INTS13: variants seen among roughly 807,000 people sequenced by gnomAD.
INTS13 encodes integrator complex subunit 13, also known as asunder, spermatogenesis regulator homolog (Drosphila).
In INTS13, 35 loss-of-function variants were observed where a neutral mutation model predicts 90.2. The ratio of observed to expected loss-of-function variants is 0.39; its 90% CI spans 0.30 to 0.51. The LOEUF (loss-of-function observed/expected upper bound fraction) is 0.51. INTS13 is among the 20% of genes least tolerant of loss of function. INTS13 has a pLI of 0.80. For synonymous variants in INTS13, 309 were observed against 277.1 expected, an observed-to-expected ratio of 1.11 and a Z score of -1.14; for missense variants, 601 against 851.2, an observed-to-expected ratio of 0.71 and a Z score of 3.66.
chr12:26,936,472 T>A (rs1289211063), intron 2 of INTS13, 107 bp downstream of exon 2: 50 of 800,044 alleles, frequency 6.2e-5, no homozygotes, highest in Non-Finnish European at 8.7e-5. Context: ...ACCACATTTT[T>A]AAGTAATAAA....
chr12:26,912,332 G>T (rs1329161929), intron 14 of INTS13, among the ~76,000 whole-genome samples: 1 of 152,144 alleles, frequency 6.6e-6, no homozygotes, highest in Admixed American at 6.5e-5. Flanking sequence ...AGCTACCTGA[G>T]AGGCTAAGGC....
intron 3 of INTS13, 33 bp downstream of exon 3, chr12:26,934,523 T>C: frequency 6.8e-7 from 1 of 1,463,998 alleles, no homozygotes; most frequent in Non-Finnish European, 9.5e-7. Flanking sequence ...TTAGATAATT[T>C]ACAAATGGCC....
In INTS13 at chr12:26,930,649, C is replaced by T. The variant is rs956160529; in HGVS notation, c.301-1744G>A. Among the ~76,000 whole-genome samples, 4 of 152,202 alleles carry T rather than the reference C, an allele frequency of 2.6e-5. No homozygotes were observed. In the South Asian group the frequency reaches 8.3e-4, roughly 32 times the overall value. ...AATTTAAAAGCAATGAATGGGATAT[C>T]GTGTACCTTCACCTTGGGAAAGCAA... On this transcript the variant is annotated intron_variant, in intron 3 of 16. Transcript: ENST00000261191.
At chr12:26,912,750 C>T (rs1278176767) in intron 14 of INTS13, among the ~76,000 whole-genome samples, 1 of 147,732 alleles carries the variant, frequency 6.8e-6, no homozygotes, top group Non-Finnish European at 1.5e-5. Flanking sequence ...TTTTTTGAGA[C>T]AAAGTCTTAC....
intron 15 of INTS13, among the ~76,000 whole-genome samples, chr12:26,907,363 T>C (rs1482169152): frequency 4.6e-5 from 7 of 152,180 alleles, no homozygotes; most frequent in African/African-American, 1.2e-4. Flanking sequence ...GAAGAAAGGA[T>C]AGTCTTTTCA....
intron 3 of INTS13, among the ~76,000 whole-genome samples, chr12:26,929,780 GAAGA>G (rs770842204): frequency 1.2e-3 from 176 of 150,456 alleles, no homozygotes; most frequent in Non-Finnish European, 1.4e-3. Flanking sequence ...GAGAGAAAGG[GAAGA>G]AAGAAAGGAA....
In INTS13 at chr12:26,905,535, T is replaced by C; in HGVS notation, c.2083A>G (p.Met695Val). Residue 695 changes from methionine to valine, a missense_variant and splice_region_variant, in exon 17 of 17, where the codon ATG becomes GTG. Transcript: ENST00000261191. ...LYQHLKEENG[M>V]ETTENGKASR... ...GCTTTTCCATTTTCTGTTGTCTCCA[T>C]CCTGAAATAGGAAGAAAAAAACGAG... is the stretch of plus-strand genomic sequence containing the variant. 1.2e-6 allele frequency: 2 copies of C among 1,611,710 alleles called. No individual in the cohort carries two copies. Among genetic ancestry groups the C allele is most frequent in the Non-Finnish European group, 1.7e-6 (2 of 1,179,146 alleles).
At chr12:26,917,164 T>C (rs555986529) in intron 10 of INTS13, among the ~76,000 whole-genome samples, 188 bp downstream of exon 10, 1 of 152,178 alleles carries the variant, frequency 6.6e-6, no homozygotes, top group East Asian at 1.9e-4. Flanking sequence ...GTAAAAACTG[T>C]TAAAGGGTAT....
intron 3 of INTS13, among the ~76,000 whole-genome samples, chr12:26,930,022 A>G (rs1473222860): frequency 6.6e-6 from 1 of 152,228 alleles, no homozygotes; most frequent in Non-Finnish European, 1.5e-5. Context: ...GTATTTCTAT[A>G]TACTTACAAT....
intron 6 of INTS13, 140 bp from the exon 7 acceptor site, chr12:26,924,623 C>T (rs1202574237): frequency 1.1e-6 from 1 of 906,606 alleles, no homozygotes; most frequent in Admixed American, 3.1e-5. Context: ...CATAAATTAA[C>T]CATGACAATT....
At chr12:26,914,924 C>T (rs1215476812) in intron 11 of INTS13, among the ~76,000 whole-genome samples, 3 of 152,100 alleles carry the variant, frequency 2.0e-5, no homozygotes, top group Non-Finnish European at 4.4e-5. Flanking sequence ...GACCCATTTG[C>T]TTATTTAAAA....
chr12:26,922,533 G>T, intron 8 of INTS13, 83 bp downstream of exon 8: 1 of 1,019,552 alleles, frequency 9.8e-7, no homozygotes, highest in Non-Finnish European at 1.4e-6. Context: ...GTCTTGGAAT[G>T]TCTTCCCTGA....
At chr12:26,933,939 A>G (rs576066526) in intron 3 of INTS13, among the ~76,000 whole-genome samples, 1 of 152,368 alleles carries the variant, frequency 6.6e-6, no homozygotes, top group South Asian at 2.1e-4. Context: ...TACTTGGCTT[A>G]ACAGTGAATA....
chr12:26,914,172 A>T (rs1189769995), intron 12 of INTS13, 44 bp from the exon 13 acceptor site: 2 of 1,494,490 alleles, frequency 1.3e-6, no homozygotes, highest in South Asian at 2.6e-5. Context: ...TGTCTTGAAA[A>T]ATAAATATCA....
At chr12:26,921,349 G>A (rs1320554146) in intron 8 of INTS13, among the ~76,000 whole-genome samples, 4 of 152,150 alleles carry the variant, frequency 2.6e-5, no homozygotes, top group Admixed American at 2.6e-4. Context: ...TCACTCTTTC[G>A]AGTTTGCTCC....
At position 26,922,756 on chromosome 12, in the gene INTS13, A is replaced by G; in HGVS notation, c.805-56T>C. ...ACTTGGTTTTGCTTTCAAAATAATA[A>G]AATTATTAATTATTCATTTGCTTTT... On this transcript the variant is annotated intron_variant, in intron 7 of 16. Coordinates refer to ENST00000261191, the MANE Select transcript of INTS13 (RefSeq NM_018164.3). 1.8e-6 allele frequency: 2 copies of G among 1,109,372 alleles called. 1 individual carries two copies. The highest frequency in any genetic ancestry group is 2.6e-6 in the Non-Finnish European group (2 of 778,506). 68.7% of individuals were successfully genotyped at this position (1,109,372 alleles called of 1,614,324 possible). A position where few individuals can be genotyped will look rare whatever the true frequency, so the allele number is the denominator to read the frequency against.
intron 8 of INTS13, among the ~76,000 whole-genome samples, chr12:26,922,106 T>C (rs919764251): frequency 4.6e-5 from 7 of 152,212 alleles, no homozygotes; most frequent in South Asian, 2.1e-4. Flanking sequence ...AGCATATATA[T>C]GCTATAAACA....
intron 16 of INTS13, 59 bp from the exon 17 acceptor site, chr12:26,905,595 C>T: frequency 7.0e-7 from 1 of 1,434,160 alleles, no homozygotes; most frequent in South Asian, 1.2e-5. Context: ...ATTTTGTCTC[C>T]TTATCTACCT....
At chr12:26,920,315 T>C (rs937104324) in intron 8 of INTS13, among the ~76,000 whole-genome samples, 4 of 152,166 alleles carry the variant, frequency 2.6e-5, no homozygotes, top group African/African-American at 9.7e-5. Context: ...TTTTGACACA[T>C]AGTGTCCACA....
Sources: allele counts gnomAD v4.1 joint callset (sites outside exome capture counted in the v4.1 genomes callset), GRCh38; gene constraint gnomAD v4.1.1; transcripts MANE v1.5; gene names NCBI Gene and HGNC (gene_info 2026-07-23, HGNC 2026-07-21).